The following ADGRG6 variants were observed in gnomAD, a reference collection of about 807,000 sequenced individuals.
ADGRG6 encodes the protein G-protein coupled receptor 126.
A neutral mutation model predicts 142.4 loss-of-function variants in ADGRG6; 84 were observed. That is an observed-to-expected ratio of 0.59 (90% CI 0.49 to 0.71). The LOEUF (loss-of-function observed/expected upper bound fraction) is 0.71. Ranked by LOEUF, ADGRG6 falls within the 30% of genes least tolerant of loss-of-function variation. The probability of loss-of-function intolerance (pLI) is 0.00; values close to 1 mark genes in which losing one functional copy is unlikely to be tolerated. For missense variants in ADGRG6, 1,367 were observed against 1,466.6 expected (o/e 0.93, Z 1.11); for synonymous variants, 521 against 520.5 (o/e 1.00, Z -0.01).
intron 2 of ADGRG6, among the ~76,000 whole-genome samples, chr6:142,357,990 G>A (rs1780534149): frequency 1.3e-5 from 2 of 152,260 alleles, no homozygotes; most frequent in South Asian, 4.1e-4. Context: ...AGTCATGTAT[G>A]GTCCCAGTAC....
intron 2 of ADGRG6, among the ~76,000 whole-genome samples, chr6:142,317,189 TCTC>T (rs1778123690): frequency 6.6e-6 from 1 of 152,086 alleles, no homozygotes; most frequent in Non-Finnish European, 1.5e-5. Context: ...TCTTATTACT[TCTC>T]ATCATCTGAC....
chr6:142,406,717 A>T (rs569163907), intron 15 of ADGRG6, among the ~76,000 whole-genome samples: 1 of 152,348 alleles, frequency 6.6e-6, no homozygotes, highest in African/African-American at 2.4e-5. Context: ...TTGGTGATTT[A>T]TATGAATGCA....
chr6:142,438,087 C>A, intron 23 of ADGRG6, 125 bp from the exon 24 acceptor site: 1 of 596,538 alleles, frequency 1.7e-6, no homozygotes, highest in Non-Finnish European at 2.9e-6. Context: ...AGTCTCTTCT[C>A]TGAGCCATTG....
At position 142,302,055 on chromosome 6, in the gene ADGRG6, TC is replaced by T; in HGVS notation, c.-274del. 1.9e-6 allele frequency: 1 copy of T among 526,178 alleles called. No homozygotes were observed. Among genetic ancestry groups the T allele is most frequent in the Non-Finnish European group, 3.3e-6 (1 of 300,146 alleles). The allele number at this position is 526,178 out of a possible 1,614,324, so 32.6% of individuals were successfully genotyped here. On this transcript the variant is annotated 5_prime_UTR_variant, in exon 1 of 25. Coordinates refer to ENST00000367609, the MANE Select transcript of ADGRG6 (RefSeq NM_198569.3). The stretch of plus-strand genomic sequence containing the variant: ...ACGCACACCCTACTTCCTCAGCTTC[TC>T]GCCCTCACCCTGCCAACTTCCCTGC...
intron 16 of ADGRG6, among the ~76,000 whole-genome samples, chr6:142,409,183 A>G (rs763276805): frequency 2.0e-5 from 3 of 152,162 alleles, no homozygotes; most frequent in Admixed American, 1.3e-4. Context: ...TCTCCTTTCA[A>G]TAGCACCTGG....
Position 142,373,992 on chromosome 6 carries a change from G to A in ADGRG6, c.1069+3199G>A, listed in dbSNP as rs1267631061. Among the ~76,000 whole-genome samples, 4 of 150,614 alleles carry A rather than the reference G, an allele frequency of 2.7e-5. No individual in the cohort carries two copies. The East Asian group carries it at 7.8e-4, about 29-fold the overall frequency. ...TAATCTCAGCCTTCTGAGTAGCTGG[G>A]ACTAAGCTCCCTTGTTCTTATAAAT... is the stretch of plus-strand genomic sequence containing the variant. On this transcript the variant is annotated intron_variant, in intron 4 of 24. Coordinates refer to ENST00000367609, the MANE Select transcript of ADGRG6 (RefSeq NM_198569.3).
At position 142,408,161 on chromosome 6, in the gene ADGRG6, C is replaced by A. The variant is rs373627914; in HGVS notation, c.2280C>A (p.Pro760=). Residue 760 remains proline, a synonymous_variant, in exon 16 of 25, where the codon CCC becomes CCA. Coordinates refer to ENST00000367609, the MANE Select transcript of ADGRG6 (RefSeq NM_198569.3). ...NKTGLFQDVG[P]QRKTLVSYVM... is the part of the protein sequence containing the mutation. ...TTTTTCTTTAAAAGGATGTAGGACC[C>A]CAAAGAAAAACTTTAGTGAGTTATG... 6.3e-7 allele frequency: 1 copy of A among 1,580,272 alleles called. No individual in the cohort carries two copies. The highest frequency in any genetic ancestry group is 1.8e-5 in the Admixed American group (1 of 56,220).
intron 6 of ADGRG6, among the ~76,000 whole-genome samples, chr6:142,389,313 A>G (rs1774749589): frequency 6.6e-6 from 1 of 151,860 alleles, no homozygotes; most frequent in Non-Finnish European, 1.5e-5. Context: ...TGCTATAATT[A>G]TGTATTTCTA....
In ADGRG6 at chr6:142,427,113, G is replaced by A. The variant is rs9496377; in HGVS notation, c.3319+7009G>A. Among the ~76,000 whole-genome samples the A allele has an allele frequency of 6.1e-3, 922 of 152,242 alleles. 16 individuals are homozygous for A. The highest frequency in any genetic ancestry group is 0.021 in the African/African-American group (876 of 41,532). On this transcript the variant is annotated intron_variant, in intron 22 of 24. Transcript: ENST00000367609. The stretch of plus-strand genomic sequence containing the variant: ...CTACTCATTATGTATGCAAATTTCT[G>A]CAGCTGGCTTAAATTTCACCTCAGA...
chr6:142,392,849 G>A, intron 7 of ADGRG6, 99 bp from the exon 8 acceptor site: 1 of 770,708 alleles, frequency 1.3e-6, no homozygotes, highest in South Asian at 1.6e-5. Flanking sequence ...TTTTCCCAGG[G>A]TCTTATCTCA....
chr6:142,432,339 G>T (rs1433212825), intron 22 of ADGRG6, among the ~76,000 whole-genome samples: 1 of 152,080 alleles, frequency 6.6e-6, no homozygotes, highest in Admixed American at 6.6e-5. Flanking sequence ...AAGGGCTAGT[G>T]ACTACAAATA....
intron 9 of ADGRG6, among the ~76,000 whole-genome samples, chr6:142,396,006 A>G (rs1177893121): frequency 6.6e-6 from 1 of 152,196 alleles, no homozygotes; most frequent in East Asian, 1.9e-4. Context: ...TTGTAGAACC[A>G]TAAAATAGTT....
chr6:142,433,237 G>A, intron 22 of ADGRG6, among the ~76,000 whole-genome samples: 1 of 152,300 alleles, frequency 6.6e-6, no homozygotes, highest in African/African-American at 2.4e-5. Context: ...TCCGTCATCT[G>A]TAGCCTCTAT....
chr6:142,389,405 T>G (rs1421312109), intron 6 of ADGRG6, among the ~76,000 whole-genome samples: 1 of 151,898 alleles, frequency 6.6e-6, no homozygotes, highest in Non-Finnish European at 1.5e-5. Context: ...CTCAAAAAAT[T>G]TTCTTCTCTC....
chr6:142,367,359 A>G (rs1021650349), intron 2 of ADGRG6, among the ~76,000 whole-genome samples: 5 of 152,180 alleles, frequency 3.3e-5, no homozygotes, highest in African/African-American at 9.7e-5. Flanking sequence ...CATTGCATTA[A>G]AATTTTTTGT....
At chr6:142,379,170 A>G (rs755988269) in intron 4 of ADGRG6, among the ~76,000 whole-genome samples, 2 of 152,038 alleles carry the variant, frequency 1.3e-5, no homozygotes, top group Non-Finnish European at 2.9e-5. Context: ...GTTATTTCCT[A>G]TCTCCTTTTA....
intron 22 of ADGRG6, among the ~76,000 whole-genome samples, chr6:142,429,315 G>T (rs1376044279): frequency 6.6e-6 from 1 of 152,140 alleles, no homozygotes; most frequent in Admixed American, 6.5e-5. Context: ...AAGTTGAGCT[G>T]TTACATAATT....
chr6:142,395,556 G>C (rs1003388125), intron 9 of ADGRG6, among the ~76,000 whole-genome samples: 1 of 152,106 alleles, frequency 6.6e-6, no homozygotes, highest in Non-Finnish European at 1.5e-5. Flanking sequence ...CTTCTTGAAG[G>C]ACATTTAAAT....
chr6:142,420,212 A>G (rs1055081371), intron 22 of ADGRG6, 108 bp downstream of exon 22: 4 of 815,494 alleles, frequency 4.9e-6, no homozygotes, highest in Non-Finnish European at 8.0e-6. Flanking sequence ...CACTATTTCA[A>G]GTGCTGAATA....
Sources: gnomAD v4.1 joint callset for allele counts (sites outside exome capture counted in the v4.1 genomes callset) on GRCh38, gnomAD v4.1.1 for gene constraint, MANE v1.5 for transcripts, NCBI Gene and HGNC (gene_info 2026-07-23, HGNC 2026-07-21) for gene names.